The following UBR4 variants were observed in gnomAD, a reference collection of about 807,000 sequenced individuals.
UBR4 encodes the protein ubiquitin protein ligase E3 component n-recognin 4, also known as E3 ubiquitin-protein ligase UBR4.
In UBR4, 124 loss-of-function variants were observed where a neutral mutation model predicts 575.6. The ratio of observed to expected loss-of-function variants is 0.22; its 90% CI spans 0.19 to 0.25. The LOEUF is 0.25. Ranked by LOEUF, UBR4 falls within the 10% of genes least tolerant of loss-of-function variation. UBR4 has a pLI of 1.00. For missense variants in UBR4, 4,818 were observed against 6,478.8 expected, an observed-to-expected ratio of 0.74 and a Z score of 8.80; for synonymous variants, 2,455 against 2,473.7, an observed-to-expected ratio of 0.99 and a Z score of 0.22.
intron 34 of UBR4, 34 bp from the exon 35 acceptor site, chr1:19,162,645 T>C: frequency 6.3e-7 from 1 of 1,579,098 alleles, no homozygotes. Flanking sequence ...CTTCAGATTC[T>C]CCATGTTTCA....
chr1:19,196,094 C>T lies in UBR4; in HGVS notation c.1018+1047G>A, dbSNP rs569463100. 3.9e-5 allele frequency among the ~76,000 whole-genome samples: 6 copies of T among 151,902 alleles called. No homozygotes were observed. In the South Asian group the frequency reaches 1.0e-3, roughly 26 times the overall value. On this transcript the variant is annotated intron_variant, in intron 8 of 105. Transcript: ENST00000375254. The stretch of plus-strand genomic sequence containing the variant: ...TGCCTCTGCCTAGAAATAGCCAAGC[C>T]GAGATCCTACCTGACTTAAGATTCA...
chr1:19,077,875 C>T (rs771834565), intron 104 of UBR4, 101 bp downstream of exon 104: 104 of 1,596,944 alleles, frequency 6.5e-5, no homozygotes, highest in African/African-American at 9.4e-5. Flanking sequence ...CCAGGCCCAG[C>T]GGAGGAGCAG....
intron 32 of UBR4, 138 bp from the exon 33 acceptor site, chr1:19,164,579 T>C (rs1358659535): frequency 1.7e-6 from 2 of 1,160,352 alleles, no homozygotes; most frequent in Admixed American, 2.6e-5. Flanking sequence ...TAGTAGAGCA[T>C]AAAACATTCA....
At chr1:19,118,135 T>G (rs2080755034) in intron 71 of UBR4, 1 of 496,552 alleles carries the variant, frequency 2.0e-6, no homozygotes, top group Non-Finnish European at 3.6e-6. Context: ...TAATCTTTGA[T>G]CTATCCTTCA....
chr1:19,083,273 G>C (rs191904132), intron 102 of UBR4, among the ~76,000 whole-genome samples: 1 of 152,310 alleles, frequency 6.6e-6, no homozygotes, highest in East Asian at 1.9e-4. Context: ...GCCCCTGCGT[G>C]TTTTAACAAT....
intron 33 of UBR4, 101 bp downstream of exon 33, chr1:19,164,152 A>C: frequency 8.9e-5 from 121 of 1,352,138 alleles, no homozygotes; most frequent in Non-Finnish European, 1.1e-4. Context: ...ATGAAAGGGT[A>C]GAGATTCAAA....
chr1:19,095,788 G>C (rs2077977185), intron 92 of UBR4, 136 bp from the exon 93 acceptor site: 1 of 722,120 alleles, frequency 1.4e-6, no homozygotes, highest in African/African-American at 1.8e-5. Context: ...ACAGGAGGGA[G>C]AAGCGGCTCT....
chr1:19,098,716 G>C (rs978154282), intron 90 of UBR4, among the ~76,000 whole-genome samples: 6 of 152,168 alleles, frequency 3.9e-5, no homozygotes, highest in Non-Finnish European at 8.8e-5. Flanking sequence ...AAAGAAAGGA[G>C]AGAGGCGGAA....
At chr1:19,104,350 G>A in intron 86 of UBR4, 93 bp from the exon 87 acceptor site, 2 of 1,487,666 alleles carry the variant, frequency 1.3e-6, no homozygotes, top group South Asian at 2.5e-5. Context: ...TCAAAAAGCA[G>A]GGAAAATCTA....
intron 49 of UBR4, 120 bp downstream of exon 49, chr1:19,150,456 TA>T: frequency 2.6e-6 from 3 of 1,161,996 alleles, no homozygotes; most frequent in Non-Finnish European, 3.7e-6. Flanking sequence ...TATGAAAACT[TA>T]AAAAAATTCC....
intron 63 of UBR4, 120 bp downstream of exon 63, chr1:19,127,503 C>G (rs2081954775): frequency 1.3e-6 from 1 of 751,798 alleles, no homozygotes; most frequent in Admixed American, 2.2e-5. Flanking sequence ...TAGAATCTTA[C>G]TCCCCTCAGG....
intron 57 of UBR4, 117 bp downstream of exon 57, chr1:19,141,230 G>T: frequency 1.4e-6 from 2 of 1,417,422 alleles, no homozygotes; most frequent in Non-Finnish European, 9.7e-7. Context: ...CTCTCACCCA[G>T]ATCAACCTCT....
In UBR4 at chr1:19,153,908, G is replaced by A. The variant is rs749388645; in HGVS notation, c.6490C>T (p.Leu2164Phe). The change falls in exon 45 of 106, where the codon CTT becomes TTT. Residue 2164 changes from leucine (L) to phenylalanine (F), a missense_variant. Physicochemically the swap from Leu to Phe is conservative, Grantham distance 22. This residue lies in a region of UBR4 where 461 missense variants were observed against 606.9 expected (regional missense o/e 0.76). Coordinates refer to ENST00000375254, the MANE Select transcript of UBR4 (RefSeq NM_020765.3). This position sits in a 1 kb window ranked among gnomAD's most constrained non-coding sequence, Gnocchi z 4.1. The part of the protein sequence containing the change: ...SNGGSKTSPA[L>F]CQWSEVMNHP... ...TTCATCACCTCAGACCACTGGCAAA[G>A]AGCAGGAGAAGTCTTACTGCCACCA... 3.1e-6 allele frequency: 5 copies of A among 1,614,094 alleles called. No homozygotes were observed. In the South Asian group the frequency reaches 4.4e-5, roughly 14 times the overall value.
Position 19,187,434 on chromosome 1 carries a change from T to G in UBR4, c.1494+7A>C. Reference sequence around the variant, plus strand: ...TATGCTGATTACCATGGGGATAACCTCCTCACCTTGTGAAGGGCCTCCACT... The same window carrying G: ...TATGCTGATTACCATGGGGATAACCGCCTCACCTTGTGAAGGGCCTCCACT... On this transcript the variant is annotated splice_region_variant and intron_variant, in intron 12 of 105. Transcript: ENST00000375254. The G allele has an allele frequency of 6.2e-7, 1 of 1,614,078 alleles. No individual in the cohort carries two copies. Among genetic ancestry groups the G allele is most frequent in the African/African-American group, 1.3e-5 (1 of 75,060 alleles).
At chr1:19,178,032 C>G (rs567554546) in intron 18 of UBR4, among the ~76,000 whole-genome samples, 88 of 152,164 alleles carry the variant, frequency 5.8e-4, no homozygotes, top group African/African-American at 2.0e-3. Flanking sequence ...TAATGCCCAC[C>G]CTGTCATTTG....
At chr1:19,077,589 C>T (rs1016508288) in intron 104 of UBR4, among the ~76,000 whole-genome samples, 8 of 152,118 alleles carry the variant, frequency 5.3e-5, no homozygotes, top group Admixed American at 6.5e-5. Flanking sequence ...CAAAATTAGC[C>T]GGGCGTGGTG....
intron 102 of UBR4, 59 bp downstream of exon 102, chr1:19,084,445 G>A (rs906205514): frequency 1.1e-5 from 16 of 1,519,226 alleles, no homozygotes; most frequent in Middle Eastern, 1.8e-4. Context: ...AGGGGATCTC[G>A]GGCAGAGGGA....
At position 19,124,591 on chromosome 1, in the gene UBR4, G is replaced by C. The variant is rs772046313; in HGVS notation, c.9538C>G (p.Arg3180Gly). ...TGGTCAAAGACAGGAGGTGGGATTC[G>C]AGAATTGGTGTCAGTAATCTTTTTG... ...QIKKITDTNS[R>G]IPPPVFDHSW... Residue 3180 changes from arginine to glycine, a missense_variant, in exon 65 of 106, where the codon CGA (arginine) becomes GGA (glycine). Arg to Gly is a moderately radical substitution (Grantham distance 125, BLOSUM62 -2). Coordinates refer to ENST00000375254, the MANE Select transcript of UBR4 (RefSeq NM_020765.3). 6.2e-7 allele frequency: 1 copy of C among 1,614,098 alleles called. No individual in the cohort carries two copies. The highest frequency in any genetic ancestry group is 8.5e-7 in the Non-Finnish European group (1 of 1,180,038).
In UBR4 at chr1:19,145,778, T is replaced by C; in HGVS notation, c.7945+15A>G. 2 of 1,611,512 alleles carry C rather than the reference T, an allele frequency of 1.2e-6. No homozygotes were observed. Among genetic ancestry groups the C allele is most frequent in the South Asian group, 1.1e-5 (1 of 90,854 alleles). The stretch of plus-strand genomic sequence containing the variant: ...AGGCTTCATTACCAAGATTCAAATA[T>C]CCCTTTTAACATACCTGGAAGGCAG... On this transcript the variant is annotated intron_variant, in intron 53 of 105. Coordinates refer to ENST00000375254, the MANE Select transcript of UBR4 (RefSeq NM_020765.3).
Sources: gnomAD v4.1 joint callset for allele counts (sites outside exome capture counted in the v4.1 genomes callset) on GRCh38, gnomAD v4.1.1 for gene constraint, gnomAD v4.1.1 regional missense constraint, Gnocchi (gnomAD v3.1) non-coding constraint, MANE v1.5 for transcripts, NCBI Gene and HGNC (gene_info 2026-07-23, HGNC 2026-07-21) for gene names.